GRM7: variants seen among roughly 807,000 people sequenced by gnomAD.
GRM7 encodes metabotropic glutamate receptor 7.
GRM7 carries 35 observed loss-of-function variants against 84.5 expected under a neutral mutation model. That is an observed-to-expected ratio of 0.41 (90% CI 0.32 to 0.55). The LOEUF (loss-of-function observed/expected upper bound fraction) is 0.55, where lower values mean the gene tolerates loss of function less well. Ranked by LOEUF, GRM7 falls within the 20% of genes least tolerant of loss-of-function variation. GRM7 has a pLI of 0.19. For synonymous variants in GRM7, 487 were observed against 455.1 expected, an observed-to-expected ratio of 1.07 and a Z score of -0.89; for missense variants, 1,003 against 1,194.6, an observed-to-expected ratio of 0.84 and a Z score of 2.36.
chr3:7,190,274 C>A (rs1695667584), intron 2 of GRM7, among the ~76,000 whole-genome samples: 1 of 152,048 alleles, frequency 6.6e-6, no homozygotes. Context: ...ATTTGGCATT[C>A]ATTTTATATT....
chr3:7,205,511 T>A (rs1451866681), intron 2 of GRM7, among the ~76,000 whole-genome samples: 4 of 152,242 alleles, frequency 2.6e-5, no homozygotes, highest in Non-Finnish European at 2.9e-5. Flanking sequence ...ATTATTAGGC[T>A]GTGCCATTTT....
intron 8 of GRM7, among the ~76,000 whole-genome samples, chr3:7,633,613 TC>T (rs1172540366): frequency 1.3e-5 from 2 of 152,084 alleles, no homozygotes; most frequent in Non-Finnish European, 2.9e-5. Flanking sequence ...CTGAAGCCCT[TC>T]TATCCTCCAC....
intron 2 of GRM7, among the ~76,000 whole-genome samples, chr3:7,289,232 G>A (rs1362071106): frequency 6.6e-6 from 1 of 152,126 alleles, no homozygotes; most frequent in African/African-American, 2.4e-5. Context: ...TTCAGGGAAA[G>A]GAACAGCTTG....
intron 1 of GRM7, among the ~76,000 whole-genome samples, chr3:6,993,914 G>A (rs1694736851): frequency 6.6e-6 from 1 of 152,162 alleles, no homozygotes; most frequent in South Asian, 2.1e-4. Context: ...TGTGCTGGGA[G>A]GTGCAGGATT....
intron 1 of GRM7, among the ~76,000 whole-genome samples, chr3:7,014,105 G>A (rs1695480898): frequency 6.6e-6 from 1 of 152,022 alleles, no homozygotes; most frequent in Non-Finnish European, 1.5e-5. Context: ...TGATGCATGT[G>A]GGCTGTGGAT....
intron 1 of GRM7, among the ~76,000 whole-genome samples, chr3:6,875,604 G>A (rs966392224): frequency 6.6e-6 from 1 of 152,020 alleles, no homozygotes; most frequent in Non-Finnish European, 1.5e-5. Flanking sequence ...CCCAGTCTTG[G>A]GTATGTCTTT....
At chr3:7,153,427 G>T (rs1318145881) in intron 2 of GRM7, among the ~76,000 whole-genome samples, 2 of 152,010 alleles carry the variant, frequency 1.3e-5, no homozygotes, top group Admixed American at 1.3e-4. Flanking sequence ...TCTCTCACTA[G>T]AGAGTAAAAT....
chr3:7,031,406 T>TTTTA (rs200421808), intron 1 of GRM7, among the ~76,000 whole-genome samples: 13,631 of 150,128 alleles, frequency 0.091, 2,180 homozygotes, highest in African/African-American at 0.32. Context: ...ATTTTTTAAA[T>TTTTA]TTTATTTATT....
At chr3:7,592,689 TG>T in intron 8 of GRM7, among the ~76,000 whole-genome samples, 1 of 152,342 alleles carries the variant, frequency 6.6e-6, no homozygotes, top group East Asian at 1.9e-4. Context: ...GTCTGCTACC[TG>T]ACAAGTGACC....
intron 9 of GRM7, among the ~76,000 whole-genome samples, chr3:7,705,570 C>T (rs1462078495): frequency 6.6e-6 from 1 of 152,126 alleles, no homozygotes; most frequent in Non-Finnish European, 1.5e-5. Flanking sequence ...TCAAAAGCAG[C>T]TTTCTTAAAG....
At chr3:6,987,996 T>A (rs1173661343) in intron 1 of GRM7, among the ~76,000 whole-genome samples, 1 of 57,794 alleles carries the variant, frequency 1.7e-5, no homozygotes, top group African/African-American at 1.6e-4. Context: ...CACCTCTAGC[T>A]TTTTTTTTTT....
At chr3:7,247,558 C>T (rs1483469875) in intron 2 of GRM7, among the ~76,000 whole-genome samples, 1 of 146,930 alleles carries the variant, frequency 6.8e-6, no homozygotes, top group African/African-American at 2.5e-5. Flanking sequence ...ATGATTGTGC[C>T]ACTCCAGCCT....
At chr3:7,442,945 C>T (rs1697352284) in intron 5 of GRM7, among the ~76,000 whole-genome samples, 1 of 151,988 alleles carries the variant, frequency 6.6e-6, no homozygotes, top group Admixed American at 6.6e-5. Context: ...CTAACTTCAT[C>T]TCCTCTCTTG....
intron 1 of GRM7, among the ~76,000 whole-genome samples, chr3:6,894,936 G>C (rs1007056918): frequency 1.5e-4 from 23 of 152,254 alleles, no homozygotes; most frequent in Middle Eastern, 6.8e-3. Flanking sequence ...AATAAACAGA[G>C]GCCAGTGCTC....
chr3:7,622,273 A>G (rs62235219), intron 8 of GRM7, among the ~76,000 whole-genome samples: 21,415 of 152,096 alleles, frequency 0.14, 1,747 homozygotes, highest in Non-Finnish European at 0.18. Context: ...AAGGCAAGCA[A>G]AACTCCACTC....
At chr3:7,473,329 T>C (rs1014824376) in intron 7 of GRM7, among the ~76,000 whole-genome samples, 1 of 151,964 alleles carries the variant, frequency 6.6e-6, no homozygotes, top group Non-Finnish European at 1.5e-5. Flanking sequence ...AATAAAAATA[T>C]GGATGGGTGT....
In GRM7 at chr3:7,100,857, G is replaced by T. The variant is rs571206987; in HGVS notation, c.520-45595G>T. Among the ~76,000 whole-genome samples the T allele has an allele frequency of 2.6e-5, 4 of 151,852 alleles. No individual in the cohort carries two copies. In the East Asian group the frequency reaches 7.7e-4, roughly 29 times the overall value. ...TGATAGATTTGGTTTGCCTAGTCTT[G>T]CAATCTCTTGTATCTGGATTTTTTT... is the stretch of plus-strand genomic sequence containing the variant. On this transcript the variant is annotated intron_variant, in intron 1 of 9. Transcript: ENST00000357716.
intron 7 of GRM7, among the ~76,000 whole-genome samples, chr3:7,519,360 T>TAA (rs35567248): frequency 5.0e-5 from 7 of 140,812 alleles, no homozygotes; most frequent in Non-Finnish European, 1.1e-4. Context: ...AGACCCTGTC[T>TAA]AAAAAAAAAA....
chr3:6,951,018 C>T (rs1472091638), intron 1 of GRM7, among the ~76,000 whole-genome samples: 2 of 152,212 alleles, frequency 1.3e-5, no homozygotes, highest in Admixed American at 6.5e-5. Flanking sequence ...TGAGGTGATG[C>T]CTCTCCCTGC....
Sources: gnomAD v4.1 joint callset for allele counts (sites outside exome capture counted in the v4.1 genomes callset) on GRCh38, gnomAD v4.1.1 for gene constraint, MANE v1.5 for transcripts, NCBI Gene and HGNC (gene_info 2026-07-23, HGNC 2026-07-21) for gene names.